Variants in KDM4B observed in about 807,000 individuals in gnomAD.
KDM4B encodes lysine demethylase 4B.
In KDM4B, 32 loss-of-function variants were observed where a neutral mutation model predicts 125.2. The observed-to-expected ratio is 0.26, with a 90% CI of 0.19 to 0.34. KDM4B has a LOEUF of 0.34. KDM4B is among the 10% of genes least tolerant of loss of function. The probability of loss-of-function intolerance (pLI) is 1.00; values close to 1 mark genes in which losing one functional copy is unlikely to be tolerated. For synonymous variants in KDM4B, 721 were observed against 677.9 expected (o/e 1.06, Z -0.99); for missense variants, 1,190 against 1,577.7 (o/e 0.75, Z 4.16).
chr19:4,973,069 C>T (rs954209720), intron 1 of KDM4B, among the ~76,000 whole-genome samples: 2 of 152,198 alleles, frequency 1.3e-5, no homozygotes, highest in Non-Finnish European at 2.9e-5. Flanking sequence ...CCTGACCTGT[C>T]GATTTGCCAG....
chr19:5,149,959 CCT>C (rs1201368756), intron 21 of KDM4B, among the ~76,000 whole-genome samples: 1 of 152,200 alleles, frequency 6.6e-6, no homozygotes, highest in African/African-American at 2.4e-5. Flanking sequence ...CCTCCCAGGC[CCT>C]GTTAGGGCAC....
intron 13 of KDM4B, among the ~76,000 whole-genome samples, chr19:5,132,701 T>C (rs1243242468): frequency 2.7e-5 from 4 of 149,248 alleles, no homozygotes; most frequent in South Asian, 4.2e-4. Flanking sequence ...AAGGCATCTC[T>C]GGGGCCTCCG....
chr19:5,007,490 T>G (rs1353900371), intron 1 of KDM4B, among the ~76,000 whole-genome samples: 1 of 152,192 alleles, frequency 6.6e-6, no homozygotes, highest in Non-Finnish European at 1.5e-5. Context: ...GATAATGTTT[T>G]GCAAATATAT....
chr19:5,109,874 C>T (rs532839099), intron 9 of KDM4B, among the ~76,000 whole-genome samples: 1 of 152,338 alleles, frequency 6.6e-6, no homozygotes, highest in South Asian at 2.1e-4. Context: ...CCCTTCTTCC[C>T]AGCCCTCTTG....
chr19:5,085,100 A>G (rs1387390467), intron 9 of KDM4B, among the ~76,000 whole-genome samples: 1 of 152,212 alleles, frequency 6.6e-6, no homozygotes, highest in African/African-American at 2.4e-5. Flanking sequence ...GTCTGGACGA[A>G]TGAGCTAACC....
intron 21 of KDM4B, among the ~76,000 whole-genome samples, chr19:5,146,252 C>T (rs951844429): frequency 2.6e-5 from 4 of 151,958 alleles, no homozygotes; most frequent in Admixed American, 6.5e-5. Flanking sequence ...CCCGCTCCGC[C>T]GTGCAGGCCG....
chr19:5,055,075 G>C (rs1278591027), intron 6 of KDM4B, among the ~76,000 whole-genome samples: 1 of 152,282 alleles, frequency 6.6e-6, no homozygotes, highest in African/African-American at 2.4e-5. Context: ...CAGAATCACA[G>C]CTTCTCCGGC....
At position 5,082,044 on chromosome 19, in the gene KDM4B, G is replaced by C. The variant is rs563363771; in HGVS notation, c.781-323G>C. On this transcript the variant is annotated intron_variant, in intron 8 of 22. Coordinates refer to ENST00000159111, the MANE Select transcript of KDM4B (RefSeq NM_015015.3). This position sits in a 1 kb window ranked among gnomAD's most constrained non-coding sequence, Gnocchi z 5.4. ...CCCCACGGGCATTGTGTCCAGCCACGGCTCCATCTGCGGTTCTCCCACTGG... is the reference window on the plus strand; with the variant it reads ...CCCCACGGGCATTGTGTCCAGCCACCGCTCCATCTGCGGTTCTCCCACTGG... Among the ~76,000 whole-genome samples, 1 of 152,156 alleles carries C rather than the reference G, an allele frequency of 6.6e-6. No homozygotes were observed. Among genetic ancestry groups the C allele is most frequent in the African/African-American group, 2.4e-5 (1 of 41,444 alleles).
chr19:5,010,977 A>G (rs1393497716), intron 1 of KDM4B, among the ~76,000 whole-genome samples: 3 of 152,170 alleles, frequency 2.0e-5, no homozygotes, highest in African/African-American at 7.2e-5. Flanking sequence ...TTCTCTCAGG[A>G]AAGCCATCTG....
At chr19:5,026,151 A>G (rs982556619) in intron 2 of KDM4B, among the ~76,000 whole-genome samples, 23 of 146,738 alleles carry the variant, frequency 1.6e-4, no homozygotes, top group Non-Finnish European at 2.9e-4. Context: ...GCTCACACCT[A>G]TAATCCCAGC....
At chr19:4,998,454 C>A (rs1375499515) in intron 1 of KDM4B, among the ~76,000 whole-genome samples, 1 of 152,094 alleles carries the variant, frequency 6.6e-6, no homozygotes, top group Non-Finnish European at 1.5e-5. Flanking sequence ...GGCGACATTC[C>A]CTGCTTTGCC....
chr19:5,127,416 G>C (rs2039467991), intron 11 of KDM4B, among the ~76,000 whole-genome samples: 1 of 152,194 alleles, frequency 6.6e-6, no homozygotes, highest in Non-Finnish European at 1.5e-5. Context: ...CTGTGTGTCT[G>C]CCCGGGCTTC....
chr19:5,115,892 G>A lies in KDM4B; in HGVS notation c.1116-3761G>A, dbSNP rs574543894. 2.0e-4 allele frequency among the ~76,000 whole-genome samples: 30 copies of A among 152,310 alleles called. No individual in the cohort carries two copies. Among genetic ancestry groups the A allele is most frequent in the Admixed American group, 9.8e-4 (15 of 15,300 alleles). On this transcript the variant is annotated intron_variant, in intron 10 of 22. Transcript: ENST00000159111. The surrounding 1 kb of genome is among the most constrained non-coding windows in gnomAD (Gnocchi z 4.2). ...TAGGAAGGATCAGGAAGTCAGAGGC[G>A]TAGTCTAGGAAATCTAGCCCCTGAT...
chr19:5,004,885 C>T (rs891825148), intron 1 of KDM4B, among the ~76,000 whole-genome samples: 4 of 152,114 alleles, frequency 2.6e-5, no homozygotes, highest in African/African-American at 2.4e-5. Flanking sequence ...ATGGGACAGA[C>T]GTAAGGCTTT....
chr19:5,053,447 A>G (rs1477058481), intron 6 of KDM4B, among the ~76,000 whole-genome samples: 1 of 152,218 alleles, frequency 6.6e-6, no homozygotes, highest in Non-Finnish European at 1.5e-5. Flanking sequence ...TCCCACGGAG[A>G]GCAGATCAGA....
chr19:5,021,016 G>A (rs562156201), intron 2 of KDM4B, among the ~76,000 whole-genome samples: 28 of 152,124 alleles, frequency 1.8e-4, no homozygotes, highest in African/African-American at 6.7e-4. Context: ...ACGTGGTGGC[G>A]TGTGCCTACA....
At chr19:5,057,138 C>T (rs1253669622) in intron 6 of KDM4B, among the ~76,000 whole-genome samples, 7 of 151,886 alleles carry the variant, frequency 4.6e-5, no homozygotes, top group African/African-American at 1.7e-4. Context: ...GACACGGCCC[C>T]CACCTGTGCC....
intron 1 of KDM4B, among the ~76,000 whole-genome samples, chr19:4,980,927 A>T (rs2034616571): frequency 6.9e-6 from 1 of 144,590 alleles, no homozygotes; most frequent in South Asian, 2.2e-4. Flanking sequence ...CAGACACAGC[A>T]TAGAAACCAT....
chr19:5,034,201 C>T (rs879878846), intron 3 of KDM4B, among the ~76,000 whole-genome samples: 2 of 152,232 alleles, frequency 1.3e-5, no homozygotes, highest in Non-Finnish European at 2.9e-5. Context: ...TGCCGTGGTC[C>T]GTGAGTCTCT....
Sources: allele counts gnomAD v4.1 joint callset (sites outside exome capture counted in the v4.1 genomes callset), GRCh38; gene constraint gnomAD v4.1.1; non-coding constraint Gnocchi (gnomAD v3.1); transcripts MANE v1.5; gene names NCBI Gene and HGNC (gene_info 2026-07-23, HGNC 2026-07-21).